Variants in MIA2 observed in about 807,000 individuals in gnomAD.
MIA2 encodes the protein melanoma inhibitory activity protein 2.
In MIA2, 127 loss-of-function variants were observed where a neutral mutation model predicts 167.8. That is an observed-to-expected ratio of 0.76 (90% CI 0.66 to 0.88). MIA2 has a LOEUF of 0.88. Ranked by LOEUF, MIA2 falls within the 40% of genes least tolerant of loss-of-function variation. MIA2 has a pLI of 0.00. For synonymous variants in MIA2, 552 were observed against 541.9 expected (o/e 1.02, Z -0.26); for missense variants, 1,690 against 1,624.7 (o/e 1.04, Z -0.69).
At chr14:39,238,801 A>AAAAAAAAAAAAAAAAAAAAAAAC in intron 2 of MIA2, among the ~76,000 whole-genome samples, 1 of 146,332 alleles carries the variant, frequency 6.8e-6, no homozygotes, top group East Asian at 2.0e-4. Context: ...CTCAAAAAAA[A>AAAAAAAAAAAAAAAAAAAAAAAC]AAAAAAAAAA....
At chr14:39,356,176 C>G (rs2074519620), downstream of MIA2, among the ~76,000 whole-genome samples, 1 of 150,670 alleles carries the variant, frequency 6.6e-6, no homozygotes, top group Admixed American at 6.6e-5. Context: ...GTGAATCCAT[C>G]TGGTCCTGGA....
At chr14:39,300,366 G>A (rs2062190604) in intron 14 of MIA2, among the ~76,000 whole-genome samples, 1 of 152,080 alleles carries the variant, frequency 6.6e-6, no homozygotes, top group African/African-American at 2.4e-5. Context: ...TGTAACTGGT[G>A]TATGTACTTT....
At position 39,247,133 on chromosome 14, in the gene MIA2, A is replaced by C; in HGVS notation, c.559A>C (p.Ile187Leu). 6.2e-7 allele frequency: 1 copy of C among 1,613,996 alleles called. No individual in the cohort carries two copies. Among genetic ancestry groups the C allele is most frequent in the Non-Finnish European group, 8.5e-7 (1 of 1,179,990 alleles). Residue 187 changes from isoleucine to leucine, a missense_variant, in exon 4 of 29, where the codon ATC becomes CTC. Physicochemically the swap from Ile to Leu is conservative, Grantham distance 5 (BLOSUM62 2). Transcript: ENST00000640607. ...QVPALEAPED[I>L]GSTSESKDWE... ...TCCAGCATTAGAGGCTCCTGAAGAT[A>C]TCGGAAGTACCAGTGAATCAAAAGA...
intron 6 of MIA2, chr14:39,276,559 C>A (rs910241441): frequency 6.5e-6 from 1 of 154,304 alleles, no homozygotes; most frequent in Non-Finnish European, 1.4e-5. Context: ...ATTTTTTCTT[C>A]CTGTAGGGAA....
chr14:39,361,657 C>A (rs568610184), intron 23 of MIA2, among the ~76,000 whole-genome samples: 1 of 152,154 alleles, frequency 6.6e-6, no homozygotes, highest in East Asian at 1.9e-4. Context: ...TCAGGCTGAT[C>A]TCGAACTCCT....
intron 10 of MIA2, 89 bp downstream of exon 10, chr14:39,291,185 T>A (rs1310003067): frequency 1.4e-5 from 17 of 1,181,542 alleles, no homozygotes; most frequent in Non-Finnish European, 2.0e-5. Flanking sequence ...GAAAACTATT[T>A]GAAAAAAATG....
intron 23 of MIA2, among the ~76,000 whole-genome samples, chr14:39,361,459 A>G (rs372857512): frequency 7.0e-6 from 1 of 143,680 alleles, no homozygotes; most frequent in African/African-American, 2.5e-5. Flanking sequence ...TTTTCCTGAG[A>G]CAGAGTTTCG....
At chr14:39,278,941 A>G (rs2058535041) in intron 7 of MIA2, among the ~76,000 whole-genome samples, 1 of 152,128 alleles carries the variant, frequency 6.6e-6, no homozygotes, top group Non-Finnish European at 1.5e-5. Flanking sequence ...CAGGTGGATC[A>G]CCTGAGGTCA....
downstream of MIA2, among the ~76,000 whole-genome samples, chr14:39,355,782 A>G (rs1216104479): frequency 6.6e-6 from 1 of 152,254 alleles, no homozygotes; most frequent in East Asian, 1.9e-4. Context: ...AATTTTGTCA[A>G]AGGCCTTTTC....
Position 39,319,212 on chromosome 14 carries a change from A to G in MIA2, c.3288A>G (p.Leu1096=). The G allele has an allele frequency of 6.4e-7, 1 of 1,551,246 alleles. No individual in the cohort carries two copies. The highest frequency in any genetic ancestry group is 1.2e-5 in the South Asian group (1 of 81,204). The change falls in exon 23 of 29, where the codon TTA becomes TTG. Residue 1096 remains leucine, a synonymous_variant. Coordinates refer to ENST00000640607, the MANE Select transcript of MIA2 (RefSeq NM_001329214.4). Reference sequence around the variant, plus strand: ...GATGTTTGTTCTTTATTTGCAGATTAACTGAAACAGAGCTTAAATTTGAAC... The same window carrying G: ...GATGTTTGTTCTTTATTTGCAGATTGACTGAAACAGAGCTTAAATTTGAAC... The part of the protein sequence containing the change: ...RKENAHNRQK[L]TETELKFELL...
intron 6 of MIA2, among the ~76,000 whole-genome samples, chr14:39,258,747 G>A (rs2054933208): frequency 6.6e-6 from 1 of 152,178 alleles, no homozygotes; most frequent in East Asian, 1.9e-4. Flanking sequence ...CTTTGAGGCT[G>A]GTGACCTTTG....
At chr14:39,383,841 G>T (rs990601181) in intron 23 of MIA2, among the ~76,000 whole-genome samples, 1 of 152,206 alleles carries the variant, frequency 6.6e-6, no homozygotes, top group African/African-American at 2.4e-5. Context: ...TCAAGTCTAT[G>T]AAGGATGAGA....
chr14:39,328,567 T>C (rs944726808), intron 25 of MIA2, among the ~76,000 whole-genome samples: 14 of 152,226 alleles, frequency 9.2e-5, no homozygotes, highest in African/African-American at 3.1e-4. Context: ...TGGTATTGCC[T>C]AGGTTTTCTT....
intron 9 of MIA2, among the ~76,000 whole-genome samples, chr14:39,285,825 G>A (rs1374787988): frequency 5.3e-5 from 8 of 151,372 alleles, no homozygotes; most frequent in African/African-American, 1.5e-4. Context: ...GGGCAGAGAC[G>A]CTCCTCACCT....
chr14:39,285,269 A>G (rs1429543724), intron 9 of MIA2, among the ~76,000 whole-genome samples: 4 of 151,690 alleles, frequency 2.6e-5, no homozygotes, highest in Admixed American at 2.6e-4. Flanking sequence ...TGTTGGGTAC[A>G]CCTCCCAGAC....
At chr14:39,386,518 T>TA in intron 23 of MIA2, 1 of 1,378,916 alleles carries the variant, frequency 7.3e-7, no homozygotes, top group Non-Finnish European at 1.0e-6. Context: ...CCTTTTTTTT[T>TA]ATATTCACAT....
At position 39,234,134 on chromosome 14, in the gene MIA2, A is replaced by G; in HGVS notation, c.20A>G (p.His7Arg). The change falls in exon 1 of 29, where the codon CAC becomes CGC. Residue 7 changes from histidine to arginine, a missense_variant. Physicochemically the swap from His to Arg is conservative, Grantham distance 29 (BLOSUM62 0). Coordinates refer to ENST00000640607, the MANE Select transcript of MIA2 (RefSeq NM_001329214.4). The stretch of plus-strand genomic sequence containing the variant: ...TTTAGCATGGCAAAATTTGGCGTTC[A>G]CAGAATCCTTCTTCTGGCTATTTCT... The part of the protein sequence containing the change: MAKFGV[H>R]RILLLAISLT... 6.2e-7 allele frequency: 1 copy of G among 1,605,280 alleles called. No homozygotes were observed. Among genetic ancestry groups the G allele is most frequent in the Non-Finnish European group, 8.5e-7 (1 of 1,176,666 alleles).
chr14:39,297,666 CGTGTGTGTGTGTGTGTGT>C (rs71435638), intron 13 of MIA2, among the ~76,000 whole-genome samples: 2 of 140,072 alleles, frequency 1.4e-5, no homozygotes, highest in African/African-American at 2.7e-5. Flanking sequence ...TAGGGTTTTG[CGTGTGTGTGTGTGTGTGT>C]GTGTGTGTGT....
chr14:39,321,433 C>G (rs1365846656), intron 24 of MIA2, among the ~76,000 whole-genome samples: 1 of 152,076 alleles, frequency 6.6e-6, no homozygotes, highest in Non-Finnish European at 1.5e-5. Context: ...CCTGCCTCAG[C>G]CTCCCGAGTA....
Sources: gnomAD v4.1 joint callset for allele counts (sites outside exome capture counted in the v4.1 genomes callset) on GRCh38, gnomAD v4.1.1 for gene constraint, MANE v1.5 for transcripts, NCBI Gene and HGNC (gene_info 2026-07-23, HGNC 2026-07-21) for gene names.